CFAP299: variants seen among roughly 807,000 people sequenced by gnomAD.
CFAP299 encodes cilia and flagella associated protein 299.
CFAP299 carries 21 observed loss-of-function variants against 27.0 expected under a neutral mutation model. The observed-to-expected ratio is 0.78, with a 90% CI of 0.55 to 1.12. CFAP299 has a LOEUF of 1.12. CFAP299 is among the 50% of genes most tolerant of loss of function. CFAP299 has a pLI of 0.00. For synonymous variants in CFAP299, 104 were observed against 98.1 expected, an observed-to-expected ratio of 1.06 and a Z score of -0.36; for missense variants, 310 against 276.6, an observed-to-expected ratio of 1.12 and a Z score of -0.86.
chr4:80,396,509 A>G (rs1299579047), intron 2 of CFAP299, among the ~76,000 whole-genome samples: 4 of 152,218 alleles, frequency 2.6e-5, no homozygotes, highest in African/African-American at 9.6e-5. Flanking sequence ...ATTACTATGA[A>G]GGATGGGGAA....
intron 2 of CFAP299, among the ~76,000 whole-genome samples, chr4:80,476,997 T>C (rs1730313603): frequency 6.6e-6 from 1 of 151,710 alleles, no homozygotes; most frequent in Non-Finnish European, 1.5e-5. Context: ...TCCCCAACTT[T>C]CCTCCCAGCT....
chr4:80,327,153 TG>T, the CFAP299 span, among the ~76,000 whole-genome samples: 1 of 152,164 alleles, frequency 6.6e-6, no homozygotes, highest in African/African-American at 2.4e-5. Context: ...TACTTTGGCC[TG>T]GGAGTTTAGT....
intron 4 of CFAP299, among the ~76,000 whole-genome samples, chr4:80,944,186 G>A (rs1033008838): frequency 6.6e-6 from 1 of 152,054 alleles, no homozygotes; most frequent in African/African-American, 2.4e-5. Context: ...TGAAATATTA[G>A]CCCTGTGGCA....
chr4:80,903,746 G>T (rs1002119558), intron 4 of CFAP299, among the ~76,000 whole-genome samples: 4 of 151,938 alleles, frequency 2.6e-5, no homozygotes, highest in African/African-American at 7.2e-5. Flanking sequence ...TATCTGAGAG[G>T]TAGCTAGCTC....
intron 2 of CFAP299, among the ~76,000 whole-genome samples, chr4:80,403,279 G>T (rs940102663): frequency 9.9e-5 from 15 of 152,106 alleles, no homozygotes; most frequent in Non-Finnish European, 4.4e-5. Flanking sequence ...TTACATAAGT[G>T]CTGAAAAAAA....
the CFAP299 span, among the ~76,000 whole-genome samples, chr4:80,326,248 G>T: frequency 6.6e-6 from 1 of 152,094 alleles, no homozygotes; most frequent in African/African-American, 2.4e-5. Flanking sequence ...TGGTGTGTGT[G>T]TGCATTGCGT....
At chr4:80,674,709 T>A (rs1341270009) in intron 3 of CFAP299, among the ~76,000 whole-genome samples, 1 of 152,222 alleles carries the variant, frequency 6.6e-6, no homozygotes, top group African/African-American at 2.4e-5. Flanking sequence ...TTCTTGGAGT[T>A]TTTTTCATTT....
chr4:80,469,693 A>C (rs1315870418), intron 2 of CFAP299, among the ~76,000 whole-genome samples: 1 of 152,114 alleles, frequency 6.6e-6, no homozygotes, highest in Non-Finnish European at 1.5e-5. Context: ...ATAGCTCAAG[A>C]AAAAGGTATC....
intron 2 of CFAP299, among the ~76,000 whole-genome samples, chr4:80,471,063 T>C (rs965167672): frequency 1.3e-5 from 2 of 150,866 alleles, no homozygotes; most frequent in Non-Finnish European, 2.9e-5. Context: ...CAGGGAGTTA[T>C]TACTGTTATC....
intron 3 of CFAP299, among the ~76,000 whole-genome samples, chr4:80,634,483 A>G (rs937202820): frequency 7.2e-5 from 11 of 152,246 alleles, no homozygotes; most frequent in African/African-American, 2.4e-4. Flanking sequence ...TTCATTATAT[A>G]TATATATCTG....
chr4:80,644,848 A>T (rs534911890), intron 3 of CFAP299, among the ~76,000 whole-genome samples: 5 of 152,202 alleles, frequency 3.3e-5, no homozygotes, highest in African/African-American at 1.2e-4. Context: ...TTAATTTTTT[A>T]AAATGCCCAA....
At chr4:80,848,212 A>G (rs1387924280) in intron 3 of CFAP299, among the ~76,000 whole-genome samples, 2 of 150,534 alleles carry the variant, frequency 1.3e-5, no homozygotes, top group Non-Finnish European at 3.0e-5. Flanking sequence ...CCCTGTCTCA[A>G]AAAAAAAAGG....
intron 2 of CFAP299, chr4:80,387,480 A>T: frequency 1.2e-6 from 1 of 814,438 alleles, no homozygotes; most frequent in Non-Finnish European, 2.1e-6. Flanking sequence ...GCCCCTTGCT[A>T]TCGCTGGCTG....
chr4:80,327,690 TTATATATATATATATA>T, the CFAP299 span, among the ~76,000 whole-genome samples: 2 of 51,242 alleles, frequency 3.9e-5, no homozygotes, highest in African/African-American at 6.8e-5. Context: ...TAGAGAGAAG[TTATATATATATATATA>T]TATATATATA....
At chr4:80,651,907 G>T (rs764404862) in intron 3 of CFAP299, among the ~76,000 whole-genome samples, 1 of 152,062 alleles carries the variant, frequency 6.6e-6, no homozygotes, top group Non-Finnish European at 1.5e-5. Context: ...CATTTGAATT[G>T]CAAGGGTGAG....
intron 3 of CFAP299, among the ~76,000 whole-genome samples, chr4:80,687,842 A>G (rs539849886): frequency 3.2e-4 from 49 of 152,012 alleles, no homozygotes; most frequent in African/African-American, 1.1e-3. Context: ...CACCGTGCGC[A>G]AGCCGAAGCA....
chr4:80,830,763 T>A (rs958394286), intron 3 of CFAP299, among the ~76,000 whole-genome samples: 6 of 152,042 alleles, frequency 3.9e-5, no homozygotes, highest in African/African-American at 1.2e-4. Flanking sequence ...ATTGGCTAGG[T>A]CAGTGGCAAC....
At chr4:80,565,635 T>C (rs1193544065) in intron 2 of CFAP299, among the ~76,000 whole-genome samples, 1 of 152,066 alleles carries the variant, frequency 6.6e-6, no homozygotes, top group Non-Finnish European at 1.5e-5. Flanking sequence ...CCTAAATGTG[T>C]ATCTAGCTGG....
chr4:80,474,486 CA>C (rs1358701877), intron 2 of CFAP299, among the ~76,000 whole-genome samples: 3 of 152,124 alleles, frequency 2.0e-5, no homozygotes, highest in Non-Finnish European at 4.4e-5. Context: ...TTCATTTGAA[CA>C]TGAATTCCCC....
Sources: allele counts gnomAD v4.1 joint callset (sites outside exome capture counted in the v4.1 genomes callset), GRCh38; gene constraint gnomAD v4.1.1; transcripts MANE v1.5; gene names NCBI Gene and HGNC (gene_info 2026-07-23, HGNC 2026-07-21).